KSR2: variants seen among roughly 807,000 people sequenced by gnomAD.
KSR2 encodes kinase suppressor of ras 2.
Under a neutral mutation model 107.8 loss-of-function variants are expected in KSR2, and 25 were observed. The ratio of observed to expected loss-of-function variants is 0.23; its 90% CI spans 0.17 to 0.32. The LOEUF (loss-of-function observed/expected upper bound fraction) is 0.32. Among genes scored for constraint, KSR2 ranks in the 10% least tolerant of loss-of-function variants. The pLI, the probability that KSR2 is intolerant of heterozygous loss-of-function variation, is 1.00. For synonymous variants in KSR2, 480 were observed against 507.0 expected (o/e 0.95, Z 0.71); for missense variants, 887 against 1,268.9 (o/e 0.70, Z 4.57).
Position 117,703,785 on chromosome 12 carries a change from C to T in KSR2, c.987-36127G>A, listed in dbSNP as rs572556603. ...TCCAGACCTGCTCTGCCGGGGCATACGTCCTCCCAATCAGGATGCTGAGAA... is the reference window on the plus strand; with the variant it reads ...TCCAGACCTGCTCTGCCGGGGCATATGTCCTCCCAATCAGGATGCTGAGAA... On this transcript the variant is annotated intron_variant, in intron 4 of 19. Transcript: ENST00000339824. 3.3e-5 allele frequency among the ~76,000 whole-genome samples: 5 copies of T among 152,294 alleles called. No individual in the cohort carries two copies. In the South Asian group the frequency reaches 1.0e-3, roughly 32 times the overall value.
intron 1 of KSR2, among the ~76,000 whole-genome samples, chr12:117,947,201 AAAGAAAAG>A (rs1251320971): frequency 2.4e-4 from 9 of 37,396 alleles, no homozygotes; most frequent in Non-Finnish European, 3.5e-4. Flanking sequence ...GAAAGAAAAG[AAAGAAAAG>A]AAAGAAAGAA....
At chr12:117,622,566 T>C (rs1471933720) in intron 5 of KSR2, among the ~76,000 whole-genome samples, 1 of 152,118 alleles carries the variant, frequency 6.6e-6, no homozygotes, top group Non-Finnish European at 1.5e-5. Flanking sequence ...TGTTAACACC[T>C]TCCACTGACT....
intron 13 of KSR2, among the ~76,000 whole-genome samples, chr12:117,526,460 T>C (rs761369338): frequency 2.0e-5 from 3 of 152,212 alleles, no homozygotes; most frequent in Non-Finnish European, 4.4e-5. Context: ...AAGCTGCCCC[T>C]GATGGCACAT....
intron 3 of KSR2, among the ~76,000 whole-genome samples, chr12:117,820,409 G>A (rs568032320): frequency 1.3e-5 from 2 of 152,236 alleles, no homozygotes; most frequent in South Asian, 2.1e-4. Flanking sequence ...TGCTCCAGTG[G>A]GTCCCGGAAA....
Position 117,761,182 on chromosome 12 carries a change from G to T in KSR2, c.815C>A (p.Thr272Asn), listed in dbSNP as rs1362628786. ...CCTCATGGGCGGCGTGCCCGGCGGG[G>T]TCACGGTGGTGACGATGTTGGGGGT... ...PRTPNIVTTV[T>N]PPGTPPMRKK... Residue 272 changes from threonine to asparagine, a missense_variant, in exon 4 of 20, where the codon ACC becomes AAC. Thr to Asn is a moderately conservative substitution (Grantham distance 65). This residue lies in a region of KSR2 where 399 missense variants were observed against 479.5 expected (regional missense o/e 0.83). Coordinates refer to ENST00000339824, the MANE Select transcript of KSR2 (RefSeq NM_173598.6). 1.1e-5 allele frequency: 17 copies of T among 1,596,506 alleles called. No homozygotes were observed. The highest frequency in any genetic ancestry group is 1.7e-4 in the Middle Eastern group (1 of 5,992).
intron 3 of KSR2, among the ~76,000 whole-genome samples, chr12:117,812,861 C>T: frequency 1.4e-5 from 1 of 72,612 alleles, no homozygotes; most frequent in Admixed American, 1.3e-4. Context: ...AAAAAAAAAT[C>T]ATCCTGAGCA....
intron 4 of KSR2, among the ~76,000 whole-genome samples, chr12:117,711,906 G>A (rs1348808364): frequency 1.3e-5 from 2 of 152,230 alleles, no homozygotes; most frequent in African/African-American, 2.4e-5. Flanking sequence ...GGATCAGGGA[G>A]ACACCGCTGA....
intron 3 of KSR2, among the ~76,000 whole-genome samples, chr12:117,852,135 G>A (rs1012380315): frequency 6.6e-6 from 1 of 151,908 alleles, no homozygotes; most frequent in Non-Finnish European, 1.5e-5. Flanking sequence ...AAAGATCAGA[G>A]GACAGGGCCA....
intron 10 of KSR2, among the ~76,000 whole-genome samples, chr12:117,535,065 T>C (rs1245409611): frequency 6.6e-6 from 1 of 152,182 alleles, no homozygotes; most frequent in Non-Finnish European, 1.5e-5. Flanking sequence ...ACAATAACAA[T>C]AGGAAGTGAA....
At chr12:117,910,462 C>T (rs543063677) in intron 1 of KSR2, among the ~76,000 whole-genome samples, 4 of 152,178 alleles carry the variant, frequency 2.6e-5, no homozygotes, top group South Asian at 2.1e-4. Flanking sequence ...TGTTGGCAAG[C>T]GAGAGTCTTG....
At chr12:117,686,985 G>A (rs1259193888) in intron 4 of KSR2, among the ~76,000 whole-genome samples, 1 of 152,168 alleles carries the variant, frequency 6.6e-6, no homozygotes, top group Non-Finnish European at 1.5e-5. Context: ...CTGGCTGGCT[G>A]GGTGCCCAGG....
At position 117,839,582 on chromosome 12, in the gene KSR2, G is replaced by A. The variant is rs550893267; in HGVS notation, c.472+15846C>T. Among the ~76,000 whole-genome samples the A allele has an allele frequency of 2.0e-5, 3 of 152,264 alleles. No individual in the cohort carries two copies. In the South Asian group the frequency reaches 6.2e-4, roughly 32 times the overall value. On this transcript the variant is annotated intron_variant, in intron 3 of 19. Transcript: ENST00000339824. ...TTTTGTTTATTAAAAGATGGCTCTT[G>A]CTATCTAGGAATTTCCAGTCTAATA...
intron 1 of KSR2, among the ~76,000 whole-genome samples, chr12:117,920,869 G>A (rs1895320427): frequency 2.0e-5 from 3 of 152,084 alleles, no homozygotes; most frequent in Non-Finnish European, 2.9e-5. Context: ...GTGGGTTTGC[G>A]GCCAACAGAC....
At chr12:117,519,096 G>A (rs987852207) in intron 14 of KSR2, among the ~76,000 whole-genome samples, 4 of 152,198 alleles carry the variant, frequency 2.6e-5, no homozygotes, top group Admixed American at 6.5e-5. Flanking sequence ...GCACTGTGCC[G>A]GGGTCCGATG....
chr12:117,744,060 T>C (rs1219359042), intron 4 of KSR2, among the ~76,000 whole-genome samples: 1 of 152,174 alleles, frequency 6.6e-6, no homozygotes, highest in Non-Finnish European at 1.5e-5. Context: ...TTCCATCTGA[T>C]TCCTATAGCA....
intron 5 of KSR2, among the ~76,000 whole-genome samples, chr12:117,638,295 C>T (rs1334753309): frequency 2.0e-5 from 3 of 152,060 alleles, no homozygotes; most frequent in Non-Finnish European, 2.9e-5. Flanking sequence ...TTTTAAATTC[C>T]GGTTAAACTC....
At chr12:117,737,548 C>T (rs560931805) in intron 4 of KSR2, among the ~76,000 whole-genome samples, 2 of 152,068 alleles carry the variant, frequency 1.3e-5, no homozygotes, top group African/African-American at 4.8e-5. Context: ...TTTGGGAGGC[C>T]GAGGCAGCCA....
intron 3 of KSR2, among the ~76,000 whole-genome samples, chr12:117,829,707 T>G (rs1203761833): frequency 6.6e-6 from 1 of 152,198 alleles, no homozygotes; most frequent in Non-Finnish European, 1.5e-5. Flanking sequence ...CGGTCTCTGT[T>G]GCAACTAATC....
In KSR2 at chr12:117,456,203, A is replaced by G. The variant is rs1870609933; in HGVS notation, c.*10996T>C. The G allele has an allele frequency of 6.6e-6, 1 of 152,306 alleles. No homozygotes were observed. Among genetic ancestry groups the G allele is most frequent in the South Asian group, 2.1e-4 (1 of 4,830 alleles). The allele number at this position is 152,306 out of a possible 1,614,324, so 9.4% of individuals were successfully genotyped here. On this transcript the variant is annotated 3_prime_UTR_variant, in exon 20 of 20. Coordinates refer to ENST00000339824, the MANE Select transcript of KSR2 (RefSeq NM_173598.6). ...CACACAGTTGGGCAGAAGCCTGACCAAGGACAGCCCCTCCCTTAATGCTCC... is the reference window on the plus strand; with the variant it reads ...CACACAGTTGGGCAGAAGCCTGACCGAGGACAGCCCCTCCCTTAATGCTCC...
Sources: gnomAD v4.1 joint callset for allele counts (sites outside exome capture counted in the v4.1 genomes callset) on GRCh38, gnomAD v4.1.1 for gene constraint, gnomAD v4.1.1 regional missense constraint, MANE v1.5 for transcripts, NCBI Gene and HGNC (gene_info 2026-07-23, HGNC 2026-07-21) for gene names.